ADAM21: variants seen among roughly 807,000 people sequenced by gnomAD.
ADAM21 encodes disintegrin and metalloproteinase domain-containing protein 21.
For missense variants in ADAM21, 678 were observed against 874.4 expected (o/e 0.78, Z 2.83); for synonymous variants, 262 against 306.0 (o/e 0.86, Z 1.50).
At chr14:70,456,575 T>C (rs1484765081) in intron 1 of ADAM21, among the ~76,000 whole-genome samples, 1 of 152,212 alleles carries the variant, frequency 6.6e-6, no homozygotes, top group African/African-American at 2.4e-5. Flanking sequence ...TCGTTTTGTC[T>C]TTGGGACTCT....
intron 1 of ADAM21, among the ~76,000 whole-genome samples, 185 bp from the exon 2 acceptor site, chr14:70,457,164 A>C (rs1882425051): frequency 6.6e-6 from 1 of 152,148 alleles, no homozygotes; most frequent in African/African-American, 2.4e-5. Context: ...TTCCAACTTC[A>C]ACTATTATCA....
Position 70,458,631 on chromosome 14 carries a change from T to C in ADAM21, c.1132T>C (p.Cys378Arg). Residue 378 changes from cysteine (C) to arginine (R), a missense_variant, in exon 2 of 2, where the codon TGC becomes CGC. By Grantham distance (180) the Cys-to-Arg change is radical. Coordinates refer to ENST00000603540, the MANE Select transcript of ADAM21 (RefSeq NM_003813.4). ...AGTGCCAGCAGAGAAATTCACCAAT[T>C]GCAGTTACGCTGATTTTATGAAGAC... is the stretch of plus-strand genomic sequence containing the variant. ...FRVPAEKFTN[C>R]SYADFMKTTL... 1.2e-6 allele frequency: 2 copies of C among 1,613,664 alleles called. No homozygotes were observed. The highest frequency in any genetic ancestry group is 8.5e-7 in the Non-Finnish European group (1 of 1,179,920).
At chr14:70,453,737 A>G (rs1297500031) in intron 1 of ADAM21, among the ~76,000 whole-genome samples, 6 of 152,328 alleles carry the variant, frequency 3.9e-5, no homozygotes, top group African/African-American at 1.4e-4. Context: ...ATCAAGAGAG[A>G]TATAGAGAGC....
At position 70,459,251 on chromosome 14, in the gene ADAM21, T is replaced by C; in HGVS notation, c.1752T>C (p.His584=). ...ATCATTTTACTTTGCAGCACACTCATATCAATGGTGTCACCTGCTGGGGTA... is the reference window on the plus strand; with the variant it reads ...ATCATTTTACTTTGCAGCACACTCACATCAATGGTGTCACCTGCTGGGGTA... ...LQDHFTLQHT[H]INGVTCWGID... is the part of the protein sequence containing the mutation. The change falls in exon 2 of 2, where the codon CAT becomes CAC. Residue 584 remains histidine, a synonymous_variant. Coordinates refer to ENST00000603540, the MANE Select transcript of ADAM21 (RefSeq NM_003813.4). The C allele has an allele frequency of 6.2e-7, 1 of 1,614,148 alleles. No homozygotes were observed. The highest frequency in any genetic ancestry group is 8.5e-7 in the Non-Finnish European group (1 of 1,180,026).
Position 70,453,435 on chromosome 14 carries a change from G to A in ADAM21, c.-152+1172G>A, listed in dbSNP as rs1889066043. 4 of 152,300 alleles carry A rather than the reference G, an allele frequency of 2.6e-5. No individual in the cohort carries two copies. In the South Asian group the frequency reaches 8.3e-4, roughly 32 times the overall value. 9.4% of individuals were successfully genotyped at this position (152,300 alleles called of 1,614,324 possible). On this transcript the variant is annotated intron_variant, in intron 1 of 1. Coordinates refer to ENST00000603540, the MANE Select transcript of ADAM21 (RefSeq NM_003813.4). The stretch of plus-strand genomic sequence containing the variant: ...ATAGTCCGCTGACATTAGAGGACAT[G>A]GATTTACGGTGGTACCACTTCACAG...
chr14:70,452,426 C>T lies in ADAM21; in HGVS notation c.-152+163C>T, dbSNP rs147729210. ...TGTCGCCCAGGCTGGAGTGCAGTGG[C>T]GCGATCTCAGCTGACTGCAAGCTCT... On this transcript the variant is annotated intron_variant, in intron 1 of 1. Coordinates refer to ENST00000603540, the MANE Select transcript of ADAM21 (RefSeq NM_003813.4). Among the ~76,000 whole-genome samples the T allele has an allele frequency of 2.9e-3, 447 of 152,192 alleles. 2 individuals carry two copies. The highest frequency in any genetic ancestry group is 0.01 in the African/African-American group (435 of 41,536).
chr14:70,457,483 A>G lies in ADAM21; in HGVS notation c.-17A>G, dbSNP rs1459381058. On this transcript the variant is annotated 5_prime_UTR_variant, in exon 2 of 2. Coordinates refer to ENST00000603540, the MANE Select transcript of ADAM21 (RefSeq NM_003813.4). Reference sequence around the variant, plus strand: ...TCTTCTGCTCTGGACAGATGGCTCCATAACGACAGCTTCATAATGGCAGTG... The same window carrying G: ...TCTTCTGCTCTGGACAGATGGCTCCGTAACGACAGCTTCATAATGGCAGTG... The G allele has an allele frequency of 5.6e-6, 9 of 1,607,626 alleles. No homozygotes were observed. Among genetic ancestry groups the G allele is most frequent in the Non-Finnish European group, 7.6e-6 (9 of 1,176,738 alleles).
rs1407964746 is a variant in ADAM21 at position 70,458,141 on chromosome 14, T to G, written c.642T>G (p.Val214=). ...ATGCATGGTTTCTGGAGCTAGTTGT[T>G]GTGGTGAACCATGATTTCTTCATTT... The part of the protein sequence containing the change: ...WTHAWFLELV[V]VVNHDFFIYS... Residue 214 remains valine, a synonymous_variant, in exon 2 of 2, where the codon GTT becomes GTG. Transcript: ENST00000603540. 3.6e-5 allele frequency: 58 copies of G among 1,613,678 alleles called. No individual in the cohort carries two copies. The highest frequency in any genetic ancestry group is 4.4e-5 in the Non-Finnish European group (52 of 1,179,814).
In ADAM21 at chr14:70,457,437, G is replaced by C; in HGVS notation, c.-63G>C. The stretch of plus-strand genomic sequence containing the variant: ...CAGCTTAGAGGGAGAAGCCAGACCA[G>C]CAGTGCCTCACACCTTGTCCTCTTC... On this transcript the variant is annotated 5_prime_UTR_variant, in exon 2 of 2. Coordinates refer to ENST00000603540, the MANE Select transcript of ADAM21 (RefSeq NM_003813.4). 6.2e-7 allele frequency: 1 copy of C among 1,601,692 alleles called. No individual in the cohort carries two copies. Among genetic ancestry groups the C allele is most frequent in the Middle Eastern group, 1.9e-4 (1 of 5,324 alleles).
Position 70,459,669 on chromosome 14 carries a change from G to A in ADAM21, c.*1G>A. The A allele has an allele frequency of 6.2e-7, 1 of 1,612,958 alleles. No individual in the cohort carries two copies. The highest frequency in any genetic ancestry group is 1.1e-5 in the South Asian group (1 of 91,014). On this transcript the variant is annotated 3_prime_UTR_variant, in exon 2 of 2. Coordinates refer to ENST00000603540, the MANE Select transcript of ADAM21 (RefSeq NM_003813.4). ...AACTAAGGCTCATTCATCAGGTTAA[G>A]AAAATGTCTCTAACTTAATATTCCA...
chr14:70,453,146 CAAGGTTGCT>C (rs1408322093), intron 1 of ADAM21, among the ~76,000 whole-genome samples: 1 of 152,032 alleles, frequency 6.6e-6, no homozygotes, highest in African/African-American at 2.4e-5. Flanking sequence ...ACTGTGTGTG[CAAGGTTGCT>C]AAGGATCTTC....
intron 1 of ADAM21, among the ~76,000 whole-genome samples, chr14:70,455,340 AAT>A (rs769435096): frequency 2.0e-5 from 3 of 152,164 alleles, no homozygotes; most frequent in Non-Finnish European, 4.4e-5. Flanking sequence ...TCTTATAAGA[AAT>A]AGCACCTACC....
rs772117146 is a variant in ADAM21, at chr14:70,457,819, A to G, written c.320A>G (p.Asp107Gly). Residue 107 changes from aspartate (D) to glycine (G), a missense_variant, in exon 2 of 2, where the codon GAT (aspartate) becomes GGT (glycine). By Grantham distance (94) the Asp-to-Gly change is moderately conservative (BLOSUM62 -1). Coordinates refer to ENST00000603540, the MANE Select transcript of ADAM21 (RefSeq NM_003813.4). Reference protein sequence around the residue: ...ALLEDQLFIPDDCYYHGYVEA... With the variant: ...ALLEDQLFIPGDCYYHGYVEA... ...CTGGAGGATCAGCTCTTCATCCCAG[A>G]TGACTGTTACTATCATGGTTACGTG... 1.1e-5 allele frequency: 17 copies of G among 1,613,562 alleles called. No homozygotes were observed. Among genetic ancestry groups the G allele is most frequent in the Non-Finnish European group, 1.4e-5 (17 of 1,179,870 alleles).
chr14:70,459,707 CT>C lies in ADAM21; in HGVS notation c.*42del. On this transcript the variant is annotated 3_prime_UTR_variant, in exon 2 of 2. Coordinates refer to ENST00000603540, the MANE Select transcript of ADAM21 (RefSeq NM_003813.4). ...ACTTAATATTCCATGCATTAGTACA[CT>C]TTAGTCTCTTGGCAGTAGAAACATT... 3 of 1,594,888 alleles carry C rather than the reference CT, an allele frequency of 1.9e-6. No individual in the cohort carries two copies. Among genetic ancestry groups the C allele is most frequent in the Non-Finnish European group, 2.6e-6 (3 of 1,170,480 alleles).
In ADAM21 at chr14:70,452,908, G is replaced by T. The variant is rs1170161606; in HGVS notation, c.-152+645G>T. On this transcript the variant is annotated intron_variant, in intron 1 of 1. Coordinates refer to ENST00000603540, the MANE Select transcript of ADAM21 (RefSeq NM_003813.4). ...AATTAATAGAAACAGTCCTCAAGTA[G>T]GTGGGAGAGATGATCTGGAACCATG... Among the ~76,000 whole-genome samples the T allele has an allele frequency of 9.9e-5, 15 of 152,166 alleles. 1 individual carries two copies. The highest frequency in any genetic ancestry group is 2.2e-4 in the Non-Finnish European group (15 of 68,034).
intron 1 of ADAM21, among the ~76,000 whole-genome samples, chr14:70,453,109 C>G (rs1452149475): frequency 6.6e-6 from 1 of 150,754 alleles, no homozygotes; most frequent in Non-Finnish European, 1.5e-5. Flanking sequence ...TGTGGCTTTA[C>G]ACACACTTAC....
At chr14:70,455,102 GTTGGTTC>G (rs1202162101) in intron 1 of ADAM21, among the ~76,000 whole-genome samples, 1 of 152,150 alleles carries the variant, frequency 6.6e-6, no homozygotes, top group African/African-American at 2.4e-5. Flanking sequence ...ACAGGATGGA[GTTGGTTC>G]TCTCTCTCTC....
intron 1 of ADAM21, among the ~76,000 whole-genome samples, chr14:70,453,708 C>T (rs907558882): frequency 3.9e-5 from 6 of 152,174 alleles, no homozygotes; most frequent in African/African-American, 1.4e-4. Context: ...ACTGTCACTC[C>T]ATAGTAAGTA....
chr14:70,453,152 T>C (rs1889062468), intron 1 of ADAM21, among the ~76,000 whole-genome samples: 1 of 152,184 alleles, frequency 6.6e-6, no homozygotes, highest in Admixed American at 6.5e-5. Context: ...TGTGCAAGGT[T>C]GCTAAGGATC....
Sources: allele counts gnomAD v4.1 joint callset (sites outside exome capture counted in the v4.1 genomes callset), GRCh38; gene constraint gnomAD v4.1.1; transcripts MANE v1.5; gene names NCBI Gene and HGNC (gene_info 2026-07-23, HGNC 2026-07-21).